Variants in DLGAP1 observed in about 807,000 individuals in gnomAD.
DLGAP1 encodes disks large-associated protein 1.
Under a neutral mutation model 90.8 loss-of-function variants are expected in DLGAP1, and 11 were observed. The ratio of observed to expected loss-of-function variants is 0.12; its 90% CI spans 0.08 to 0.20. The LOEUF (loss-of-function observed/expected upper bound fraction) is 0.20. Ranked by LOEUF, DLGAP1 falls within the 10% of genes least tolerant of loss-of-function variation. The pLI, the probability that DLGAP1 is intolerant of heterozygous loss-of-function variation, is 1.00. For synonymous variants in DLGAP1, 558 were observed against 540.7 expected, an observed-to-expected ratio of 1.03 and a Z score of -0.44; for missense variants, 1,050 against 1,333.8, an observed-to-expected ratio of 0.79 and a Z score of 3.31.
chr18:4,108,615 T>C (rs2075914002), intron 2 of DLGAP1, among the ~76,000 whole-genome samples: 1 of 152,178 alleles, frequency 6.6e-6, no homozygotes, highest in Admixed American at 6.5e-5. Flanking sequence ...ATAAATTATT[T>C]GTATATATGC....
At chr18:4,300,820 C>G (rs915433432) in intron 1 of DLGAP1, among the ~76,000 whole-genome samples, 1 of 152,166 alleles carries the variant, frequency 6.6e-6, no homozygotes, top group East Asian at 1.9e-4. Flanking sequence ...ACACCAAGGG[C>G]TTTCTGCCAT....
intron 1 of DLGAP1, among the ~76,000 whole-genome samples, chr18:4,234,922 G>GC (rs1188658304): frequency 6.6e-6 from 1 of 152,158 alleles, no homozygotes; most frequent in Non-Finnish European, 1.5e-5. Context: ...CGTGAACCCT[G>GC]AACTTTGTGT....
intron 1 of DLGAP1, among the ~76,000 whole-genome samples, chr18:4,428,497 G>A (rs1180151794): frequency 1.3e-5 from 2 of 152,128 alleles, no homozygotes; most frequent in Non-Finnish European, 2.9e-5. Flanking sequence ...CATGAGAAAT[G>A]CTTGAACCTG....
chr18:3,899,011 A>G (rs1224166741), intron 3 of DLGAP1, among the ~76,000 whole-genome samples: 1 of 152,152 alleles, frequency 6.6e-6, no homozygotes, highest in Non-Finnish European at 1.5e-5. Context: ...TGCAGCTTTC[A>G]ATTTCCGTAT....
intron 7 of DLGAP1, among the ~76,000 whole-genome samples, chr18:3,709,398 C>T (rs2061533865): frequency 6.6e-6 from 1 of 152,160 alleles, no homozygotes; most frequent in Non-Finnish European, 1.5e-5. Flanking sequence ...TGTGCCAGCT[C>T]CTTTGATCTG....
At chr18:4,149,781 G>A (rs531957484) in intron 2 of DLGAP1, among the ~76,000 whole-genome samples, 11 of 152,276 alleles carry the variant, frequency 7.2e-5, no homozygotes, top group Middle Eastern at 3.4e-3. Flanking sequence ...GTTTTATCCC[G>A]AAACCATCTC....
chr18:4,412,467 G>A (rs2082800443), intron 1 of DLGAP1, among the ~76,000 whole-genome samples: 1 of 152,194 alleles, frequency 6.6e-6, no homozygotes, highest in African/African-American at 2.4e-5. Flanking sequence ...TAATCCAGCT[G>A]GATAAGTGCT....
chr18:4,278,425 G>C (rs1173334315), intron 1 of DLGAP1, among the ~76,000 whole-genome samples: 4 of 152,026 alleles, frequency 2.6e-5, no homozygotes, highest in Admixed American at 6.5e-5. Context: ...TAATTTCTCA[G>C]CCCTCAGCCC....
intron 1 of DLGAP1, among the ~76,000 whole-genome samples, chr18:4,443,287 G>C (rs2083581159): frequency 6.6e-6 from 1 of 152,174 alleles, no homozygotes; most frequent in Non-Finnish European, 1.5e-5. Context: ...TAGTGGCCAT[G>C]AATAAGCTCT....
intron 4 of DLGAP1, among the ~76,000 whole-genome samples, chr18:3,848,578 T>C (rs993524207): frequency 6.6e-6 from 1 of 152,052 alleles, no homozygotes; most frequent in African/African-American, 2.4e-5. Context: ...CCCGCCCCCA[T>C]CTCCACCCCA....
chr18:3,510,726 A>G (rs933950774), intron 10 of DLGAP1, among the ~76,000 whole-genome samples: 2 of 152,364 alleles, frequency 1.3e-5, no homozygotes, highest in East Asian at 3.9e-4. Flanking sequence ...CCTGGGAGCT[A>G]TCGCAGAAAC....
intron 1 of DLGAP1, among the ~76,000 whole-genome samples, chr18:4,344,248 T>C (rs1439259535): frequency 2.0e-5 from 3 of 152,166 alleles, no homozygotes; most frequent in Non-Finnish European, 4.4e-5. Flanking sequence ...TATTATTTAA[T>C]CTCCACAATG....
intron 1 of DLGAP1, among the ~76,000 whole-genome samples, chr18:4,292,227 T>C (rs768258530): frequency 6.0e-4 from 91 of 152,092 alleles, no homozygotes; most frequent in Non-Finnish European, 1.1e-3. Context: ...TCCAGAGTAA[T>C]AAAAAATGAA....
chr18:3,784,403 TTTC>T (rs375555249), intron 5 of DLGAP1, among the ~76,000 whole-genome samples: 12 of 152,136 alleles, frequency 7.9e-5, no homozygotes, highest in Admixed American at 2.6e-4. Flanking sequence ...TGTTTTCCGT[TTTC>T]TTCTTCTTTT....
At chr18:3,865,217 AT>A (rs1434883644) in intron 4 of DLGAP1, among the ~76,000 whole-genome samples, 1 of 152,178 alleles carries the variant, frequency 6.6e-6, no homozygotes, top group Non-Finnish European at 1.5e-5. Flanking sequence ...AGAATATTAA[AT>A]GGGCAGACAG....
At chr18:3,501,833 A>C (rs753442895) in intron 12 of DLGAP1, among the ~76,000 whole-genome samples, 1 of 152,100 alleles carries the variant, frequency 6.6e-6, no homozygotes, top group African/African-American at 2.4e-5. Context: ...CAAATGTGAA[A>C]ATTAGAGTTG....
chr18:4,420,276 T>C (rs2082998961), intron 1 of DLGAP1, among the ~76,000 whole-genome samples: 1 of 152,238 alleles, frequency 6.6e-6, no homozygotes, highest in Non-Finnish European at 1.5e-5. Flanking sequence ...AACAAGTACA[T>C]AGTAAATCAG....
At chr18:3,719,336 G>A (rs1330977488) in intron 7 of DLGAP1, among the ~76,000 whole-genome samples, 2 of 151,950 alleles carry the variant, frequency 1.3e-5, no homozygotes, top group African/African-American at 2.4e-5. Context: ...GGAGGCCGGG[G>A]TGGGCGGATC....
intron 7 of DLGAP1, among the ~76,000 whole-genome samples, chr18:3,718,652 A>C (rs1439413726): frequency 1.3e-5 from 2 of 150,568 alleles, no homozygotes; most frequent in Non-Finnish European, 3.0e-5. Context: ...ATGGCCAGGC[A>C]CGGTGGCTCA....
Sources: allele counts gnomAD v4.1 joint callset (sites outside exome capture counted in the v4.1 genomes callset), GRCh38; gene constraint gnomAD v4.1.1; transcripts MANE v1.5; gene names NCBI Gene and HGNC (gene_info 2026-07-23, HGNC 2026-07-21).